The following CCDC146 variants were observed in gnomAD, a reference collection of about 807,000 sequenced individuals.
CCDC146 encodes the protein coiled-coil domain containing 146, also known as coiled-coil domain-containing protein 146.
Under a neutral mutation model 119.3 loss-of-function variants are expected in CCDC146, and 92 were observed. The ratio of observed to expected loss-of-function variants is 0.77; its 90% CI spans 0.65 to 0.92. The LOEUF (loss-of-function observed/expected upper bound fraction) is 0.92. Among genes scored for constraint, CCDC146 ranks in the 40% least tolerant of loss-of-function variants. The probability of loss-of-function intolerance (pLI) is 0.00; values close to 1 mark genes in which losing one functional copy is unlikely to be tolerated. For missense variants in CCDC146, 1,000 were observed against 1,103.0 expected (o/e 0.91, Z 1.32); for synonymous variants, 372 against 371.8 (o/e 1.00, Z -0.01).
intron 9 of CCDC146, among the ~76,000 whole-genome samples, chr7:77,263,896 C>G (rs1238911702): frequency 2.6e-5 from 4 of 152,174 alleles, no homozygotes; most frequent in Non-Finnish European, 4.4e-5. Flanking sequence ...TGCACTCCAG[C>G]CTGGGCAACA....
intron 1 of CCDC146, among the ~76,000 whole-genome samples, chr7:77,143,535 T>A (rs940821955): frequency 4.6e-5 from 7 of 151,956 alleles, no homozygotes; most frequent in African/African-American, 1.7e-4. Flanking sequence ...TCTTCTAGGG[T>A]TTTTATGGTT....
At chr7:77,233,693 A>C (rs1042657799) in intron 2 of CCDC146, among the ~76,000 whole-genome samples, 1 of 152,132 alleles carries the variant, frequency 6.6e-6, no homozygotes, top group South Asian at 2.1e-4. Flanking sequence ...TTATGCTCCT[A>C]TGAGAATCTA....
At chr7:77,134,577 G>C (rs1381254112) in intron 1 of CCDC146, among the ~76,000 whole-genome samples, 6 of 151,346 alleles carry the variant, frequency 4.0e-5, no homozygotes, top group African/African-American at 1.5e-4. Context: ...GTGTGTGTGT[G>C]TGTGTGTGTG....
At chr7:77,158,892 G>A (rs1791216847) in intron 1 of CCDC146, among the ~76,000 whole-genome samples, 2 of 152,156 alleles carry the variant, frequency 1.3e-5, no homozygotes, top group South Asian at 2.1e-4. Context: ...ATTAATTAGT[G>A]TTTTTTTGTT....
chr7:77,149,220 A>C (rs1334536694), intron 1 of CCDC146, among the ~76,000 whole-genome samples: 1 of 152,204 alleles, frequency 6.6e-6, no homozygotes, highest in Non-Finnish European at 1.5e-5. Flanking sequence ...AAAAATAAGC[A>C]ATGGGGAAAG....
At chr7:77,206,864 T>TA (rs1792091808) in intron 2 of CCDC146, among the ~76,000 whole-genome samples, 1 of 152,052 alleles carries the variant, frequency 6.6e-6, no homozygotes, top group Non-Finnish European at 1.5e-5. Flanking sequence ...TTCATAATAA[T>TA]AGTGTTGCTT....
chr7:77,160,716 C>A (rs1231219917), intron 1 of CCDC146, among the ~76,000 whole-genome samples: 1 of 152,184 alleles, frequency 6.6e-6, no homozygotes. Flanking sequence ...CATCTGCAAA[C>A]AGGGACAATT....
chr7:77,161,652 G>A (rs1189697601), intron 1 of CCDC146, among the ~76,000 whole-genome samples: 2 of 107,300 alleles, frequency 1.9e-5, no homozygotes, highest in Non-Finnish European at 3.6e-5. Context: ...TGGGGGGAGG[G>A]GGGAGGGATA....
intron 2 of CCDC146, chr7:77,199,469 G>T (rs771684446): frequency 1.2e-6 from 2 of 1,613,938 alleles, no homozygotes; most frequent in Admixed American, 1.7e-5. Context: ...TTTCTGCCTG[G>T]GTCTCCGTTG....
chr7:77,198,188 C>A lies in CCDC146; in HGVS notation c.156+30364C>A, dbSNP rs1029860037. 5.1e-6 allele frequency: 5 copies of A among 985,278 alleles called. No individual in the cohort carries two copies. In the African/African-American group the frequency reaches 8.7e-5, roughly 17 times the overall value. 61.0% of individuals were successfully genotyped at this position (985,278 alleles called of 1,614,324 possible). A position where few individuals can be genotyped will look rare whatever the true frequency, so the allele number is the denominator to read the frequency against. Reference sequence around the variant, plus strand: ...CAGATGCAGGCTGCCAGGAGTATTACCAATAGAGGTCCTTGAAAATATGAC... The same window carrying A: ...CAGATGCAGGCTGCCAGGAGTATTAACAATAGAGGTCCTTGAAAATATGAC... On this transcript the variant is annotated intron_variant, in intron 2 of 18. Coordinates refer to ENST00000285871, the MANE Select transcript of CCDC146 (RefSeq NM_020879.3).
At position 77,212,465 on chromosome 7, in the gene CCDC146, C is replaced by A. The variant is rs1277027963; in HGVS notation, c.157-24482C>A. ...TGAAACCCTGTCTCTACTAAAAATACAAAAAAACAGCCGAGTGTGGTGGCG... is the reference window on the plus strand; with the variant it reads ...TGAAACCCTGTCTCTACTAAAAATAAAAAAAAACAGCCGAGTGTGGTGGCG... On this transcript the variant is annotated intron_variant, in intron 2 of 18. Transcript: ENST00000285871. 2.0e-5 allele frequency among the ~76,000 whole-genome samples: 3 copies of A among 151,342 alleles called. No homozygotes were observed. In the South Asian group the frequency reaches 6.2e-4, roughly 32 times the overall value.
At chr7:77,199,431 G>A (rs780318811) in intron 2 of CCDC146, 3 of 1,614,014 alleles carry the variant, frequency 1.9e-6, no homozygotes, top group Non-Finnish European at 2.5e-6. Flanking sequence ...CCTCTCCCGG[G>A]GCTCCTGTAC....
chr7:77,244,907 A>C (rs1455662449), intron 4 of CCDC146, among the ~76,000 whole-genome samples: 1 of 152,236 alleles, frequency 6.6e-6, no homozygotes, highest in Non-Finnish European at 1.5e-5. Context: ...TATTTGTCAG[A>C]CCAGCACAAC....
chr7:77,259,266 A>G (rs1793242651), intron 7 of CCDC146, 198 bp downstream of exon 7: 1 of 486,554 alleles, frequency 2.1e-6, no homozygotes, highest in East Asian at 3.4e-5. Flanking sequence ...CATAGTATTT[A>G]TGGCTTAATT....
chr7:77,175,227 A>G (rs946644767), intron 2 of CCDC146, among the ~76,000 whole-genome samples: 1 of 150,980 alleles, frequency 6.6e-6, no homozygotes, highest in African/African-American at 2.5e-5. Flanking sequence ...ATTTCGCCTA[A>G]GCGAAATAAT....
At chr7:77,145,946 G>A (rs898924350) in intron 1 of CCDC146, among the ~76,000 whole-genome samples, 2 of 152,020 alleles carry the variant, frequency 1.3e-5, no homozygotes, top group African/African-American at 4.8e-5. Flanking sequence ...ACTTGGTGCA[G>A]AGCTGAGTTC....
chr7:77,262,415 G>A (rs891225737), intron 9 of CCDC146, 108 bp downstream of exon 9: 10 of 807,352 alleles, frequency 1.2e-5, no homozygotes, highest in South Asian at 2.2e-5. Context: ...GAAAATACAA[G>A]TAACAGAGAA....
chr7:77,206,346 G>A (rs1792078952), intron 2 of CCDC146, among the ~76,000 whole-genome samples: 1 of 152,164 alleles, frequency 6.6e-6, no homozygotes, highest in South Asian at 2.1e-4. Context: ...GGCAGGCACA[G>A]TAGCTCACAC....
chr7:77,201,852 G>A (rs774059176), intron 2 of CCDC146, among the ~76,000 whole-genome samples: 8 of 151,878 alleles, frequency 5.3e-5, no homozygotes, highest in South Asian at 4.1e-4. Context: ...TTCCCTGTTG[G>A]GAGGTAAGAA....
Sources: allele counts gnomAD v4.1 joint callset (sites outside exome capture counted in the v4.1 genomes callset), GRCh38; gene constraint gnomAD v4.1.1; transcripts MANE v1.5; gene names NCBI Gene and HGNC (gene_info 2026-07-23, HGNC 2026-07-21).